Variants in MAT2A observed in about 807,000 individuals in gnomAD.
MAT2A encodes the protein methionine adenosyltransferase 2A.
In MAT2A, 3 loss-of-function variants were observed where a neutral mutation model predicts 43.9. That is an observed-to-expected ratio of 0.07 (90% CI 0.03 to 0.18). The LOEUF (loss-of-function observed/expected upper bound fraction) is 0.18. Among genes scored for constraint, MAT2A ranks in the 10% least tolerant of loss-of-function variants. The probability of loss-of-function intolerance (pLI) is 1.00; values close to 1 mark genes in which losing one functional copy is unlikely to be tolerated. For missense variants in MAT2A, 204 were observed against 489.0 expected, an observed-to-expected ratio of 0.42 and a Z score of 5.50; for synonymous variants, 200 against 168.4, an observed-to-expected ratio of 1.19 and a Z score of -1.45.
At position 85,539,402 on chromosome 2, in the gene MAT2A, G is replaced by A. The variant is rs376438044; in HGVS notation, c.91+24G>A. 86 of 1,577,208 alleles carry A rather than the reference G, an allele frequency of 5.5e-5. No homozygotes were observed. In the African/African-American group the frequency reaches 1.0e-3, roughly 18 times the overall value. ...AGGTGAGGGGACGGCCTGAAGCGAA[G>A]CGTGGGGCGGGGCAGAAGGCAGCGC... is the stretch of plus-strand genomic sequence containing the variant. On this transcript the variant is annotated intron_variant, in intron 1 of 8. Transcript: ENST00000306434.
rs1268936279 is a variant in MAT2A at position 85,541,876 on chromosome 2, T to C, written c.453T>C (p.Pro151=). The C allele has an allele frequency of 6.2e-7, 1 of 1,614,242 alleles. No individual in the cohort carries two copies. The highest frequency in any genetic ancestry group is 1.3e-5 in the African/African-American group (1 of 75,068). The change falls in exon 5 of 9, where the codon CCT becomes CCC. Residue 151 remains proline, a synonymous_variant. Transcript: ENST00000306434. The stretch of plus-strand genomic sequence containing the variant: ...CTGATGAAACTGAGGAGTGTATGCC[T>C]TTAACCATTGTCTTGGCACACAAGC... ...YATDETEECM[P]LTIVLAHKLN...
rs1460326341 is a variant in MAT2A at position 85,539,233 on chromosome 2, G to A, written c.-55G>A. The A allele has an allele frequency of 1.7e-5, 22 of 1,322,890 alleles. No homozygotes were observed. The highest frequency in any genetic ancestry group is 2.0e-5 in the Non-Finnish European group (19 of 939,832). The allele number at this position is 1,322,890 out of a possible 1,614,324, so 81.9% of individuals were successfully genotyped here. Reference sequence around the variant, plus strand: ...TCCGCAGCTTGCGCATTTCGCAGCCGCTGCCGCCTCGCCGCTGCTCCTTCG... The same window carrying A: ...TCCGCAGCTTGCGCATTTCGCAGCCACTGCCGCCTCGCCGCTGCTCCTTCG... On this transcript the variant is annotated 5_prime_UTR_variant, in exon 1 of 9. Coordinates refer to ENST00000306434, the MANE Select transcript of MAT2A (RefSeq NM_005911.6).
chr2:85,542,821 T>G, intron 7 of MAT2A, 74 bp downstream of exon 7: 3 of 1,559,524 alleles, frequency 1.9e-6, no homozygotes, highest in Non-Finnish European at 2.6e-6. Context: ...TCTACTTAAC[T>G]ACTTGTTTTA....
chr2:85,540,829 G>A (rs1026061595), intron 1 of MAT2A, among the ~76,000 whole-genome samples: 1 of 152,194 alleles, frequency 6.6e-6, no homozygotes, highest in African/African-American at 2.4e-5. Flanking sequence ...AGTTGTGGAA[G>A]TGAATATGAT....
At position 85,544,685 on chromosome 2, in the gene MAT2A, C is replaced by T. The variant is rs1248174300; in HGVS notation, c.*913C>T. The T allele has an allele frequency of 6.6e-6, 1 of 152,374 alleles. No homozygotes were observed. The highest frequency in any genetic ancestry group is 1.5e-5 in the Non-Finnish European group (1 of 68,014). 9.4% of individuals were successfully genotyped at this position (152,374 alleles called of 1,614,324 possible). A position where few individuals can be genotyped will look rare whatever the true frequency, so the allele number is the denominator to read the frequency against. The stretch of plus-strand genomic sequence containing the variant: ...ACTTTTTTTTTTCTTTATAAGAAAG[C>T]CTGAGTACTCCACACTGCACAATAA... On this transcript the variant is annotated 3_prime_UTR_variant, in exon 9 of 9. Coordinates refer to ENST00000306434, the MANE Select transcript of MAT2A (RefSeq NM_005911.6).
At position 85,542,672 on chromosome 2, in the gene MAT2A, T is replaced by C. The variant is rs1435753373; in HGVS notation, c.876T>C (p.Arg292=). The part of the protein sequence containing the change: ...FSGKDYTKVD[R]SAAYAARWVA... ...GAAAGGATTATACCAAGGTCGACCGTTCAGCTGCTTATGCTGCTCGTTGGG... is the reference window on the plus strand; with the variant it reads ...GAAAGGATTATACCAAGGTCGACCGCTCAGCTGCTTATGCTGCTCGTTGGG... Residue 292 remains arginine, a synonymous_variant, in exon 7 of 9, where the codon CGT becomes CGC. Coordinates refer to ENST00000306434, the MANE Select transcript of MAT2A (RefSeq NM_005911.6). 1.2e-6 allele frequency: 2 copies of C among 1,613,812 alleles called. No homozygotes were observed. The highest frequency in any genetic ancestry group is 8.5e-7 in the Non-Finnish European group (1 of 1,179,702).
chr2:85,540,206 A>AT (rs1172473764), intron 1 of MAT2A, among the ~76,000 whole-genome samples: 7 of 152,258 alleles, frequency 4.6e-5, no homozygotes, highest in South Asian at 2.1e-4. Context: ...GAGTAAAGCT[A>AT]TATTTCCAGG....
chr2:85,544,153 AAGTAC>A lies in MAT2A; in HGVS notation c.*382_*386del, dbSNP rs1431271658. The stretch of plus-strand genomic sequence containing the variant: ...AAAATGTCCTTGTGATGTGCACGTA[AAGTAC>A]TTGTAGTTCCACTTATAGCCTCTGT... On this transcript the variant is annotated 3_prime_UTR_variant, in exon 9 of 9. Transcript: ENST00000306434. The A allele has an allele frequency of 2.7e-4, 44 of 162,680 alleles. No individual in the cohort carries two copies. Among genetic ancestry groups the A allele is most frequent in the African/African-American group, 1.0e-3 (43 of 41,780 alleles). The allele number at this position is 162,680 out of a possible 1,614,324, so 10.1% of individuals were successfully genotyped here.
chr2:85,541,536 AT>A (rs1467739955), intron 3 of MAT2A, 96 bp from the exon 4 acceptor site: 2 of 1,294,338 alleles, frequency 1.5e-6, no homozygotes, highest in Non-Finnish European at 2.1e-6. Flanking sequence ...GTTTAGGTAT[AT>A]TTGATTTCTT....
rs578215416 is a variant in MAT2A, at chr2:85,542,326, A to C, written c.721A>C (p.Ile241Leu). 1.2e-6 allele frequency: 2 copies of C among 1,614,116 alleles called. No homozygotes were observed. Among genetic ancestry groups the C allele is most frequent in the African/African-American group, 1.3e-5 (1 of 74,942 alleles). The change falls in exon 6 of 9, where the codon ATC (isoleucine) becomes CTC (leucine). Residue 241 changes from isoleucine (I) to leucine (L), a missense_variant. By Grantham distance (5) the Ile-to-Leu change is conservative. This residue lies in a region of MAT2A where 103 missense variants were observed against 226.4 expected (regional missense o/e 0.45). Coordinates refer to ENST00000306434, the MANE Select transcript of MAT2A (RefSeq NM_005911.6). The stretch of plus-strand genomic sequence containing the variant: ...TGCGAAATACCTTGATGAGGATACA[A>C]TCTACCACCTACAGCCAAGTGGCAG... ...VPAKYLDEDT[I>L]YHLQPSGRFV...
chr2:85,539,279 G>T lies in MAT2A; in HGVS notation c.-9G>T, dbSNP rs768331430. 3 of 1,601,130 alleles carry T rather than the reference G, an allele frequency of 1.9e-6. No homozygotes were observed. The highest frequency in any genetic ancestry group is 1.7e-4 in the Middle Eastern group (1 of 6,020). On this transcript the variant is annotated 5_prime_UTR_variant, in exon 1 of 9. Transcript: ENST00000306434. The stretch of plus-strand genomic sequence containing the variant: ...CTTCGTAAGGCCACTTCCGCACACC[G>T]ACACCAACATGAACGGACAGCTCAA...
Position 85,539,198 on chromosome 2 carries a change from T to G in MAT2A, c.-90T>G, listed in dbSNP as rs972396277. 6.5e-6 allele frequency: 6 copies of G among 924,686 alleles called. No homozygotes were observed. Among genetic ancestry groups the G allele is most frequent in the African/African-American group, 1.7e-5 (1 of 58,672 alleles). 57.3% of individuals were successfully genotyped at this position (924,686 alleles called of 1,614,324 possible). A position where few individuals can be genotyped will look rare whatever the true frequency, so the allele number is the denominator to read the frequency against. Reference sequence around the variant, plus strand: ...CTCCGCGCCGCCCGCCTGCTACGAGTAGAACGCTGTCCGCAGCTTGCGCAT... The same window carrying G: ...CTCCGCGCCGCCCGCCTGCTACGAGGAGAACGCTGTCCGCAGCTTGCGCAT... On this transcript the variant is annotated 5_prime_UTR_variant, in exon 1 of 9. Transcript: ENST00000306434.
At chr2:85,539,619 C>T (rs911175671) in intron 1 of MAT2A, 3 of 387,514 alleles carry the variant, frequency 7.7e-6, no homozygotes, top group Non-Finnish European at 9.2e-6. Flanking sequence ...CGGTCGCGCG[C>T]CTAGGCATGC....
At chr2:85,541,799 T>C in intron 4 of MAT2A, 30 bp from the exon 5 acceptor site, 1 of 1,613,856 alleles carries the variant, frequency 6.2e-7, no homozygotes, top group Non-Finnish European at 8.5e-7. Context: ...TTCTGGAGCT[T>C]GATCACATTG....
At position 85,545,116 on chromosome 2, in the gene MAT2A, G is replaced by A. The variant is rs1260077362; in HGVS notation, c.*1344G>A. On this transcript the variant is annotated 3_prime_UTR_variant, in exon 9 of 9. Coordinates refer to ENST00000306434, the MANE Select transcript of MAT2A (RefSeq NM_005911.6). ...GCCATGGAGAAAGCTGACTTGGCTG[G>A]TGTGGTACAGAGAAGCCAGCTTGTT... 6.6e-6 allele frequency: 1 copy of A among 152,646 alleles called. No homozygotes were observed. The highest frequency in any genetic ancestry group is 1.5e-5 in the Non-Finnish European group (1 of 68,056). The allele number at this position is 152,646 out of a possible 1,614,324, so 9.5% of individuals were successfully genotyped here. A position where few individuals can be genotyped will look rare whatever the true frequency, so the allele number is the denominator to read the frequency against.
chr2:85,540,089 G>T (rs998185670), intron 1 of MAT2A: 1 of 152,288 alleles, frequency 6.6e-6, no homozygotes, highest in Admixed American at 6.5e-5. Context: ...CATGAATTAG[G>T]AGCTGCCATT....
chr2:85,539,512 C>T (rs1251606921), intron 1 of MAT2A, 134 bp downstream of exon 1: 15 of 600,804 alleles, frequency 2.5e-5, no homozygotes, highest in Non-Finnish European at 5.4e-6. Context: ...GCGGCGACCG[C>T]GCGCTTTCCT....
At chr2:85,540,147 C>T (rs1354694021) in intron 1 of MAT2A, 1 of 152,190 alleles carries the variant, frequency 6.6e-6, no homozygotes, top group Non-Finnish European at 1.5e-5. Context: ...TTACTTGAGG[C>T]TTTGTCCGCT....
chr2:85,543,685 G>A lies in MAT2A; in HGVS notation c.1101G>A (p.Lys367=), dbSNP rs2103921266. Residue 367 remains lysine, a synonymous_variant, in exon 9 of 9, where the codon AAG becomes AAA. Coordinates refer to ENST00000306434, the MANE Select transcript of MAT2A (RefSeq NM_005911.6). Reference sequence around the variant, plus strand: ...TATATTCCAGGGATCTGGATCTGAAGAAGCCAATTTATCAGAGGACTGCAG... The same window carrying A: ...TATATTCCAGGGATCTGGATCTGAAAAAGCCAATTTATCAGAGGACTGCAG... ...PGVIVRDLDL[K]KPIYQRTAAY... is the part of the protein sequence containing the mutation. 1 of 1,609,342 alleles carries A rather than the reference G, an allele frequency of 6.2e-7. No individual in the cohort carries two copies.
Sources: gnomAD v4.1 joint callset for allele counts (sites outside exome capture counted in the v4.1 genomes callset) on GRCh38, gnomAD v4.1.1 for gene constraint, gnomAD v4.1.1 regional missense constraint, MANE v1.5 for transcripts, NCBI Gene and HGNC (gene_info 2026-07-23, HGNC 2026-07-21) for gene names.